The following DCC variants were observed in gnomAD, a reference collection of about 807,000 sequenced individuals.
DCC encodes DCC netrin 1 receptor.
Under a neutral mutation model 172.5 loss-of-function variants are expected in DCC, and 58 were observed. The observed-to-expected ratio is 0.34, with a 90% CI of 0.27 to 0.42. The LOEUF is 0.42. Among genes scored for constraint, DCC ranks in the 10% least tolerant of loss-of-function variants. DCC has a pLI of 1.00. For synonymous variants in DCC, 709 were observed against 644.5 expected (o/e 1.10, Z -1.52); for missense variants, 1,740 against 1,791.0 (o/e 0.97, Z 0.51).
At chr18:52,908,418 A>G (rs1243308674) in intron 3 of DCC, among the ~76,000 whole-genome samples, 3 of 152,328 alleles carry the variant, frequency 2.0e-5, no homozygotes, top group East Asian at 3.9e-4. Flanking sequence ...TCCATTACAT[A>G]CACAAAGTTT....
At chr18:52,995,632 C>T (rs573399447) in intron 5 of DCC, among the ~76,000 whole-genome samples, 1 of 152,140 alleles carries the variant, frequency 6.6e-6, no homozygotes, top group African/African-American at 2.4e-5. Context: ...TTTCTAACAT[C>T]TCAAGGCTGT....
chr18:52,970,088 G>T (rs530166650), intron 5 of DCC, among the ~76,000 whole-genome samples: 18 of 152,136 alleles, frequency 1.2e-4, no homozygotes, highest in African/African-American at 4.1e-4. Context: ...GTCATACATA[G>T]AAATATTTAG....
chr18:52,532,761 C>G (rs890402481), intron 1 of DCC, among the ~76,000 whole-genome samples: 5 of 152,018 alleles, frequency 3.3e-5, no homozygotes, highest in Non-Finnish European at 7.4e-5. Context: ...GCCACCTTCC[C>G]AAACCTGGAG....
At chr18:53,287,362 A>C (rs2056948535) in intron 12 of DCC, among the ~76,000 whole-genome samples, 1 of 152,126 alleles carries the variant, frequency 6.6e-6, no homozygotes, top group African/African-American at 2.4e-5. Context: ...GATATACTAC[A>C]TTTTGTTTAC....
intron 27 of DCC, among the ~76,000 whole-genome samples, chr18:53,501,535 T>C (rs2046098154): frequency 6.6e-6 from 1 of 152,166 alleles, no homozygotes; most frequent in South Asian, 2.1e-4. Context: ...CTCATCAGAT[T>C]TCTTCACTCA....
intron 1 of DCC, among the ~76,000 whole-genome samples, chr18:52,676,430 T>C (rs962056881): frequency 8.5e-5 from 13 of 152,278 alleles, no homozygotes; most frequent in African/African-American, 3.1e-4. Flanking sequence ...TATATCATAA[T>C]CTGTTAAATT....
intron 24 of DCC, among the ~76,000 whole-genome samples, chr18:53,466,360 A>G (rs941290054): frequency 3.3e-5 from 5 of 152,120 alleles, no homozygotes; most frequent in African/African-American, 1.2e-4. Flanking sequence ...TCTCTCTTCT[A>G]TACAGACTTT....
chr18:53,358,374 A>T (rs1478827014), intron 15 of DCC, among the ~76,000 whole-genome samples: 2 of 152,024 alleles, frequency 1.3e-5, no homozygotes, highest in Non-Finnish European at 2.9e-5. Context: ...TTACAAAAAA[A>T]ATTTCTTGTA....
rs571965179 is a variant in DCC, at chr18:52,428,389, T to A, written c.91+87511T>A. Among the ~76,000 whole-genome samples, 139 of 152,206 alleles carry A rather than the reference T, an allele frequency of 9.1e-4. 1 individual carries two copies. Among genetic ancestry groups the A allele is most frequent in the African/African-American group, 3.2e-3 (131 of 41,552 alleles). On this transcript the variant is annotated intron_variant, in intron 1 of 28. Coordinates refer to ENST00000442544, the MANE Select transcript of DCC (RefSeq NM_005215.4). The stretch of plus-strand genomic sequence containing the variant: ...TGTCTGCCCTTGTGTCATAATAAGA[T>A]TAAGTAAAAATGTAACAAATGTGTT...
intron 1 of DCC, among the ~76,000 whole-genome samples, chr18:52,415,906 G>T (rs140311128): frequency 0.015 from 2,263 of 147,646 alleles, 27 homozygotes; most frequent in Admixed American, 0.028. Flanking sequence ...ATTTCTTGCC[G>T]TCTGCTAGCT....
At chr18:53,053,385 C>T (rs1363880648) in intron 5 of DCC, among the ~76,000 whole-genome samples, 1 of 152,038 alleles carries the variant, frequency 6.6e-6, no homozygotes, top group South Asian at 2.1e-4. Flanking sequence ...TATTGCTATG[C>T]TTTCTTTTCA....
chr18:52,713,843 G>A (rs1329289889), intron 1 of DCC, among the ~76,000 whole-genome samples: 1 of 152,088 alleles, frequency 6.6e-6, no homozygotes, highest in African/African-American at 2.4e-5. Flanking sequence ...TTGCCGGCCA[G>A]GTGTGCATAA....
At chr18:53,238,126 G>T (rs1469557702) in intron 12 of DCC, among the ~76,000 whole-genome samples, 1 of 152,136 alleles carries the variant, frequency 6.6e-6, no homozygotes, top group Non-Finnish European at 1.5e-5. Context: ...TCTACTATAT[G>T]TTGCTGATTA....
intron 24 of DCC, among the ~76,000 whole-genome samples, chr18:53,464,205 T>C (rs2045591704): frequency 6.6e-6 from 1 of 152,218 alleles, no homozygotes; most frequent in Non-Finnish European, 1.5e-5. Context: ...TTTCTTGAAA[T>C]GGATTTATCC....
intron 5 of DCC, among the ~76,000 whole-genome samples, chr18:52,943,533 G>A (rs893275731): frequency 1.1e-4 from 17 of 152,144 alleles, no homozygotes; most frequent in African/African-American, 2.4e-4. Context: ...TCTCTATATC[G>A]CTGTGTTTTT....
intron 1 of DCC, among the ~76,000 whole-genome samples, chr18:52,599,458 A>G (rs1221417077): frequency 6.6e-6 from 1 of 152,068 alleles, no homozygotes; most frequent in African/African-American, 2.4e-5. Flanking sequence ...CAATAATCCA[A>G]ATTTAAATTT....
intron 5 of DCC, among the ~76,000 whole-genome samples, chr18:52,950,102 G>A (rs1478312876): frequency 6.6e-6 from 1 of 152,160 alleles, no homozygotes; most frequent in African/African-American, 2.4e-5. Flanking sequence ...TATATTGTTT[G>A]AAGGCTGTGA....
intron 21 of DCC, among the ~76,000 whole-genome samples, chr18:53,416,973 A>G (rs1910347415): frequency 6.6e-6 from 1 of 152,152 alleles, no homozygotes; most frequent in Admixed American, 6.6e-5. Context: ...TTTCCAGAAG[A>G]GTTAGGAAAA....
chr18:53,492,238 A>T (rs948278582), intron 26 of DCC, among the ~76,000 whole-genome samples: 2 of 152,052 alleles, frequency 1.3e-5, no homozygotes, highest in Admixed American at 1.3e-4. Flanking sequence ...TAGATTGCAA[A>T]AATTTTCTCC....
Sources: gnomAD v4.1 joint callset for allele counts (sites outside exome capture counted in the v4.1 genomes callset) on GRCh38, gnomAD v4.1.1 for gene constraint, MANE v1.5 for transcripts, NCBI Gene and HGNC (gene_info 2026-07-23, HGNC 2026-07-21) for gene names.